The following KIF16B variants were observed in gnomAD, a reference collection of about 807,000 sequenced individuals.
KIF16B encodes the protein kinesin family member 16B, also known as kinesin-like protein KIF16B.
KIF16B carries 98 observed loss-of-function variants against 156.3 expected under a neutral mutation model. That is an observed-to-expected ratio of 0.63 (90% CI 0.53 to 0.74). The LOEUF is 0.74. KIF16B is among the 30% of genes least tolerant of loss of function. KIF16B has a pLI of 0.00. For synonymous variants in KIF16B, 564 were observed against 583.7 expected, an observed-to-expected ratio of 0.97 and a Z score of 0.49; for missense variants, 1,421 against 1,606.5, an observed-to-expected ratio of 0.88 and a Z score of 1.97.
chr20:16,459,327 T>C (rs916370839), intron 12 of KIF16B, among the ~76,000 whole-genome samples: 6 of 152,204 alleles, frequency 3.9e-5, no homozygotes, highest in African/African-American at 1.4e-4. Flanking sequence ...TAATCAACAC[T>C]GTGGCTGGGG....
chr20:16,426,724 C>A (rs1280670462), intron 15 of KIF16B, among the ~76,000 whole-genome samples: 2 of 151,926 alleles, frequency 1.3e-5, no homozygotes, highest in Non-Finnish European at 2.9e-5. Context: ...GATACCAAAT[C>A]CTCTATGTAT....
intron 12 of KIF16B, among the ~76,000 whole-genome samples, chr20:16,478,024 G>A (rs1219839514): frequency 2.6e-5 from 4 of 152,146 alleles, no homozygotes; most frequent in Admixed American, 6.5e-5. Context: ...GCGACAAGTG[G>A]TGACTGTGTG....
At chr20:16,530,948 G>T (rs929205516) in intron 1 of KIF16B, among the ~76,000 whole-genome samples, 2 of 151,978 alleles carry the variant, frequency 1.3e-5, no homozygotes, top group Admixed American at 6.6e-5. Flanking sequence ...CAATCCACCC[G>T]CCTCGACCTC....
intron 10 of KIF16B, among the ~76,000 whole-genome samples, chr20:16,501,074 A>T (rs2068607306): frequency 6.6e-6 from 1 of 152,180 alleles, no homozygotes; most frequent in East Asian, 1.9e-4. Context: ...AAAAGAAGAT[A>T]TTCAAATACT....
intron 25 of KIF16B, among the ~76,000 whole-genome samples, chr20:16,275,924 A>T (rs1010920294): frequency 2.0e-5 from 3 of 152,184 alleles, no homozygotes; most frequent in African/African-American, 7.2e-5. Flanking sequence ...TGCACAACTG[A>T]TTGTTCTGGG....
At chr20:16,449,395 A>G (rs1192461354) in intron 12 of KIF16B, among the ~76,000 whole-genome samples, 2 of 152,254 alleles carry the variant, frequency 1.3e-5, no homozygotes, top group African/African-American at 4.8e-5. Flanking sequence ...TGAGCTCCAG[A>G]ACATAAGAAA....
chr20:16,469,254 T>TAAAAA (rs57114751), intron 12 of KIF16B, among the ~76,000 whole-genome samples: 4 of 66,080 alleles, frequency 6.1e-5, no homozygotes, highest in Non-Finnish European at 1.2e-4. Flanking sequence ...CCCTGTGTCT[T>TAAAAA]AAAAAAAAAA....
At chr20:16,375,502 T>C (rs1003372772) in intron 19 of KIF16B, among the ~76,000 whole-genome samples, 1 of 152,156 alleles carries the variant, frequency 6.6e-6, no homozygotes, top group African/African-American at 2.4e-5. Flanking sequence ...CACACGAGGC[T>C]GTGCCCAGTT....
At chr20:16,363,846 G>T (rs1173873507) in intron 22 of KIF16B, among the ~76,000 whole-genome samples, 1 of 152,124 alleles carries the variant, frequency 6.6e-6, no homozygotes, top group Non-Finnish European at 1.5e-5. Flanking sequence ...ATTTGGGGGG[G>T]TTGTTTGTTA....
Position 16,511,547 on chromosome 20 carries a change from T to C in KIF16B, c.447-20A>G. On this transcript the variant is annotated intron_variant, in intron 5 of 25. Coordinates refer to ENST00000354981, the MANE Select transcript of KIF16B (RefSeq NM_024704.5). The stretch of plus-strand genomic sequence containing the variant: ...AAGTAGCTAAAAATTTAAAATAAAA[T>C]TGAATTCAGAAAAATGATTTCAGAC... 8.1e-6 allele frequency: 12 copies of C among 1,475,328 alleles called. No individual in the cohort carries two copies. The highest frequency in any genetic ancestry group is 1.1e-5 in the Non-Finnish European group (12 of 1,060,612). The allele number at this position is 1,475,328 out of a possible 1,614,324, so 91.4% of individuals were successfully genotyped here. A position where few individuals can be genotyped will look rare whatever the true frequency, so the allele number is the denominator to read the frequency against.
At chr20:16,366,509 G>T (rs902699621) in intron 22 of KIF16B, among the ~76,000 whole-genome samples, 1 of 152,202 alleles carries the variant, frequency 6.6e-6, no homozygotes, top group African/African-American at 2.4e-5. Flanking sequence ...AGCTGAAATC[G>T]CAAGAGTTAA....
intron 1 of KIF16B, among the ~76,000 whole-genome samples, chr20:16,571,631 CTTTT>C (rs869288784): frequency 1.4e-5 from 2 of 142,988 alleles, no homozygotes. Context: ...TTAACAAATA[CTTTT>C]TTTTTTTTTT....
intron 1 of KIF16B, among the ~76,000 whole-genome samples, chr20:16,537,061 T>C (rs2069996780): frequency 6.6e-6 from 1 of 152,076 alleles, no homozygotes; most frequent in South Asian, 2.1e-4. Context: ...TCTAGTCTCT[T>C]TGCCTCCAGC....
At chr20:16,383,158 C>T (rs1164910708) in intron 17 of KIF16B, among the ~76,000 whole-genome samples, 1 of 152,110 alleles carries the variant, frequency 6.6e-6, no homozygotes, top group Admixed American at 6.5e-5. Flanking sequence ...TTAGGCAGAA[C>T]TGAGTATCTC....
At chr20:16,298,171 C>T (rs974055313) in intron 25 of KIF16B, among the ~76,000 whole-genome samples, 2 of 152,332 alleles carry the variant, frequency 1.3e-5, no homozygotes. Context: ...TGGAACAAGG[C>T]TGCAGAATCT....
chr20:16,300,774 C>G (rs78127576), intron 25 of KIF16B, among the ~76,000 whole-genome samples: 6,499 of 152,232 alleles, frequency 0.043, 201 homozygotes, highest in Non-Finnish European at 0.06. Context: ...GAGCCTCCCC[C>G]GCTATCAAAA....
In KIF16B at chr20:16,368,300, G is replaced by A. The variant is rs971020760; in HGVS notation, c.3498+2286C>T. Reference sequence around the variant, plus strand: ...CCTGTAGCTGCAAAGACAGAGGCCCGGTAAGGCGCCGCACCCTCTGCTGGC... The same window carrying A: ...CCTGTAGCTGCAAAGACAGAGGCCCAGTAAGGCGCCGCACCCTCTGCTGGC... On this transcript the variant is annotated intron_variant, in intron 22 of 25. Transcript: ENST00000354981. 8.0e-6 allele frequency: 8 copies of A among 998,344 alleles called. No homozygotes were observed. The South Asian group carries it at 2.7e-4, about 33-fold the overall frequency. The allele number at this position is 998,344 out of a possible 1,614,324, so 61.8% of individuals were successfully genotyped here.
At chr20:16,299,974 G>A (rs920986848) in intron 25 of KIF16B, among the ~76,000 whole-genome samples, 1 of 152,110 alleles carries the variant, frequency 6.6e-6, no homozygotes, top group Admixed American at 6.5e-5. Context: ...ACCAAACACC[G>A]GTGTGAAAAA....
At position 16,515,531 on chromosome 20, in the gene KIF16B, C is replaced by T. The variant is rs567065097; in HGVS notation, c.348+17G>A. On this transcript the variant is annotated intron_variant, in intron 4 of 25. Transcript: ENST00000354981. ...GATAATGAGAAATTTCCTTCCCACA[C>T]AGTATAAACAACGTACAGAATTTCC... 2.3e-6 allele frequency: 3 copies of T among 1,298,686 alleles called. No individual in the cohort carries two copies. The highest frequency in any genetic ancestry group is 2.9e-5 in the African/African-American group (2 of 68,802). 80.4% of individuals were successfully genotyped at this position (1,298,686 alleles called of 1,614,324 possible).
Sources: allele counts gnomAD v4.1 joint callset (sites outside exome capture counted in the v4.1 genomes callset), GRCh38; gene constraint gnomAD v4.1.1; transcripts MANE v1.5; gene names NCBI Gene and HGNC (gene_info 2026-07-23, HGNC 2026-07-21).